The following CDH11 variants were observed in gnomAD, a reference collection of about 807,000 sequenced individuals.
The protein encoded by CDH11 is cadherin-11.
CDH11 carries 11 observed loss-of-function variants against 67.8 expected under a neutral mutation model. That is an observed-to-expected ratio of 0.16 (90% confidence interval 0.10 to 0.27). The LOEUF (loss-of-function observed/expected upper bound fraction) is 0.27. CDH11 is among the 10% of genes least tolerant of loss of function. CDH11 has a pLI of 1.00. For synonymous variants in CDH11, 419 were observed against 400.0 expected (o/e 1.05, Z -0.57); for missense variants, 847 against 1,031.2 (o/e 0.82, Z 2.45).
chr16:64,972,220 T>A (rs1280062861), intron 9 of CDH11, among the ~76,000 whole-genome samples, 156 bp from the exon 10 acceptor site: 1 of 152,152 alleles, frequency 6.6e-6, no homozygotes, highest in Non-Finnish European at 1.5e-5. Context: ...TGAAGGGTGC[T>A]GTTAGTGGGA....
chr16:64,966,947 G>A (rs2071848713), intron 11 of CDH11, among the ~76,000 whole-genome samples: 1 of 152,076 alleles, frequency 6.6e-6, no homozygotes, highest in Non-Finnish European at 1.5e-5. Context: ...GACATAAATA[G>A]CCAACTTATA....
chr16:65,074,118 C>T (rs1017124175), intron 1 of CDH11, among the ~76,000 whole-genome samples: 3 of 152,134 alleles, frequency 2.0e-5, no homozygotes, highest in Non-Finnish European at 4.4e-5. Context: ...CCTATTGACT[C>T]CTGGTGACTG....
At chr16:65,091,677 G>C (rs897216860) in intron 1 of CDH11, among the ~76,000 whole-genome samples, 3 of 150,892 alleles carry the variant, frequency 2.0e-5, no homozygotes, top group African/African-American at 7.3e-5. Context: ...TCAGCCTCCC[G>C]AGTAGCTGAG....
intron 2 of CDH11, among the ~76,000 whole-genome samples, chr16:65,034,996 T>C (rs914425338): frequency 6.6e-6 from 1 of 152,224 alleles, no homozygotes; most frequent in Non-Finnish European, 1.5e-5. Flanking sequence ...TGCAAAGACC[T>C]AGTTATGTTG....
intron 2 of CDH11, among the ~76,000 whole-genome samples, chr16:65,015,129 C>A (rs974889397): frequency 1.3e-5 from 2 of 151,444 alleles, no homozygotes; most frequent in Non-Finnish European, 2.9e-5. Flanking sequence ...GCCTCGGCCT[C>A]CCAGAGTGCT....
chr16:65,039,683 T>G (rs981981491), intron 2 of CDH11, among the ~76,000 whole-genome samples: 1 of 152,104 alleles, frequency 6.6e-6, no homozygotes, highest in South Asian at 2.1e-4. Context: ...CCAAAAGCAA[T>G]GGCAACAAAA....
At chr16:64,949,607 G>A (rs2071301126) in intron 12 of CDH11, among the ~76,000 whole-genome samples, 1 of 151,846 alleles carries the variant, frequency 6.6e-6, no homozygotes, top group South Asian at 2.1e-4. Flanking sequence ...TGTATTTTTA[G>A]TAGAGACGGG....
At position 64,945,294 on chromosome 16, in the gene CDH11, TA is replaced by T; in HGVS notation, c.*2308del. ...AAACAATAGAGGCTTAACGAAAAAA[TA>T]AAAGGTAAAAAAAAAAAAAAAAAAG... On this transcript the variant is annotated 3_prime_UTR_variant, in exon 13 of 13. Coordinates refer to ENST00000268603, the MANE Select transcript of CDH11 (RefSeq NM_001797.4). 1 of 434,200 alleles carries T rather than the reference TA, an allele frequency of 2.3e-6. No homozygotes were observed. Among genetic ancestry groups the T allele is most frequent in the Non-Finnish European group, 2.7e-6 (1 of 370,834 alleles). 26.9% of individuals were successfully genotyped at this position (434,200 alleles called of 1,614,324 possible). A position where few individuals can be genotyped will look rare whatever the true frequency, so the allele number is the denominator to read the frequency against.
chr16:65,092,024 C>T (rs957922018), intron 1 of CDH11, among the ~76,000 whole-genome samples: 1 of 152,136 alleles, frequency 6.6e-6, no homozygotes, highest in Admixed American at 6.5e-5. Flanking sequence ...CATTTTATTA[C>T]ACGACTCTGT....
chr16:65,002,378 T>G (rs1408270401), intron 3 of CDH11, among the ~76,000 whole-genome samples: 1 of 152,210 alleles, frequency 6.6e-6, no homozygotes, highest in Non-Finnish European at 1.5e-5. Flanking sequence ...GAAGGTTCTA[T>G]TCATATCTCA....
chr16:65,061,892 A>C (rs922493774), intron 1 of CDH11, among the ~76,000 whole-genome samples: 1 of 152,224 alleles, frequency 6.6e-6, no homozygotes, highest in Non-Finnish European at 1.5e-5. Flanking sequence ...TGACAATCTT[A>C]TAAGTCAGGT....
At position 64,988,243 on chromosome 16, in the gene CDH11, A is replaced by G; in HGVS notation, c.913T>C (p.Tyr305His). Reference protein sequence around the residue: ...PDIGENGLVTYNIVDGDGMES... With the variant: ...PDIGENGLVTHNIVDGDGMES... ...ATACCATCTCCATCAACAATATTGT[A>G]TGTGACTAAGCCATTTTCTCCAATG... The change falls in exon 7 of 13, where the codon TAC becomes CAC. Residue 305 changes from tyrosine (Y) to histidine (H), a missense_variant. Tyr to His is a moderately conservative substitution (Grantham distance 83, BLOSUM62 2). Around this residue, in one of 2 missense-constraint regions of CDH11, gnomAD observed 612 missense variants for 678.7 expected, o/e 0.90. Transcript: ENST00000268603. 6.2e-7 allele frequency: 1 copy of G among 1,613,624 alleles called. No homozygotes were observed. The highest frequency in any genetic ancestry group is 1.7e-5 in the Admixed American group (1 of 60,004).
chr16:65,006,309 A>C (rs1254720922), intron 2 of CDH11, among the ~76,000 whole-genome samples: 3 of 152,174 alleles, frequency 2.0e-5, no homozygotes, highest in Non-Finnish European at 4.4e-5. Flanking sequence ...TGGAAAACTT[A>C]CTGAGCATTG....
intron 6 of CDH11, among the ~76,000 whole-genome samples, chr16:64,990,382 C>A (rs1163332608): frequency 1.3e-5 from 2 of 152,220 alleles, no homozygotes; most frequent in Middle Eastern, 3.4e-3. Flanking sequence ...ACAGTGCCTT[C>A]CTGGGGCCAC....
chr16:64,950,863 C>A lies in CDH11; in HGVS notation c.1798G>T (p.Ala600Ser). Residue 600 changes from alanine (A) to serine (S), a missense_variant, in exon 12 of 13, where the codon GCA (alanine) becomes TCA (serine). Coordinates refer to ENST00000268603, the MANE Select transcript of CDH11 (RefSeq NM_001797.4). Reference protein sequence around the residue: ...IKVCGCDVNGALLSCNAEAYI... With the variant: ...IKVCGCDVNGSLLSCNAEAYI... ...GCCTCTGCGTTGCAGGAGAGCAGTG[C>A]CCCGTTCACGTCGCACCCGCAGACT... The A allele has an allele frequency of 6.2e-7, 1 of 1,614,222 alleles. No individual in the cohort carries two copies. Among genetic ancestry groups the A allele is most frequent in the East Asian group, 2.2e-5 (1 of 44,862 alleles).
rs1054754594 is a variant in CDH11, at chr16:65,001,809, AAAC to A, written c.228+2830_228+2832del. Among the ~76,000 whole-genome samples the A allele has an allele frequency of 1.3e-4, 20 of 151,696 alleles. 1 individual carries two copies. Among genetic ancestry groups the A allele is most frequent in the Non-Finnish European group, 2.5e-4 (17 of 67,892 alleles). ...AGACACACACACACATTAAAAAAAA[AAAC>A]AAAAACCCAGTTTCAGAAACCATTC... is the stretch of plus-strand genomic sequence containing the variant. On this transcript the variant is annotated intron_variant, in intron 3 of 12. Transcript: ENST00000268603.
Position 64,945,334 on chromosome 16 carries a change from A to G in CDH11, c.*2269T>C. 1.3e-6 allele frequency: 1 copy of G among 798,448 alleles called. No homozygotes were observed. The highest frequency in any genetic ancestry group is 1.6e-6 in the Non-Finnish European group (1 of 643,342). The allele number at this position is 798,448 out of a possible 1,614,324, so 49.5% of individuals were successfully genotyped here. On this transcript the variant is annotated 3_prime_UTR_variant, in exon 13 of 13. Transcript: ENST00000268603. ...AAAAAAAAAAAGAAAAAGAAAAACA[A>G]GTATTCTTAACTACTGAAAAGTAAA...
intron 11 of CDH11, among the ~76,000 whole-genome samples, chr16:64,963,882 A>G (rs189479613): frequency 6.6e-6 from 1 of 152,334 alleles, no homozygotes; most frequent in East Asian, 1.9e-4. Context: ...AGTGAAGGAG[A>G]AATAGTTTTT....
At chr16:65,015,837 A>C (rs1002179456) in intron 2 of CDH11, among the ~76,000 whole-genome samples, 15 of 152,232 alleles carry the variant, frequency 9.9e-5, no homozygotes, top group African/African-American at 3.4e-4. Context: ...CAAGGGCTTG[A>C]TGTGGTCTTT....
Sources: allele counts gnomAD v4.1 joint callset (sites outside exome capture counted in the v4.1 genomes callset), GRCh38; gene constraint gnomAD v4.1.1; regional missense constraint gnomAD v4.1.1; transcripts MANE v1.5; gene names NCBI Gene and HGNC (gene_info 2026-07-23, HGNC 2026-07-21).